The following RBM34 variants were observed in gnomAD, a reference collection of about 807,000 sequenced individuals.
RBM34 encodes the protein RNA-binding protein 34.
RBM34 carries 39 observed loss-of-function variants against 44.6 expected under a neutral mutation model. That is an observed-to-expected ratio of 0.87 (90% CI 0.68 to 1.14). The LOEUF (loss-of-function observed/expected upper bound fraction) is 1.14, where lower values mean the gene tolerates loss of function less well. Among genes scored for constraint, RBM34 ranks in the 50% most tolerant of loss-of-function variants. RBM34 has a pLI of 0.00. For missense variants in RBM34, 572 were observed against 517.9 expected (o/e 1.10, Z -1.01); for synonymous variants, 194 against 184.0 (o/e 1.05, Z -0.44).
At position 235,152,932 on chromosome 1, in the gene RBM34, G is replaced by C. The variant is rs974116782; in HGVS notation, c.598-167C>G. Among the ~76,000 whole-genome samples, 4 of 147,520 alleles carry C rather than the reference G, an allele frequency of 2.7e-5. No individual in the cohort carries two copies. In the East Asian group the frequency reaches 5.9e-4, roughly 22 times the overall value. ...CGCCCAGGCTGGAGTGCAGTGGTGT[G>C]ATCTCAGCTCACTGCAACCTCCGCC... On this transcript the variant is annotated intron_variant, in intron 4 of 10. Transcript: ENST00000408888.
chr1:235,155,818 T>TATAC (rs1380012647), intron 3 of RBM34, among the ~76,000 whole-genome samples: 11 of 87,664 alleles, frequency 1.3e-4, no homozygotes, highest in South Asian at 8.7e-4. Flanking sequence ...TATACATACA[T>TATAC]ATACATATAT....
chr1:235,153,730 A>C (rs1662271545), intron 4 of RBM34, among the ~76,000 whole-genome samples: 1 of 152,094 alleles, frequency 6.6e-6, no homozygotes, highest in African/African-American at 2.4e-5. Flanking sequence ...CTGGCCTCAA[A>C]AAGGTTTTTC....
intron 5 of RBM34, among the ~76,000 whole-genome samples, chr1:235,148,941 A>G (rs1031752726): frequency 5.9e-5 from 9 of 151,912 alleles, no homozygotes; most frequent in Non-Finnish European, 1.0e-4. Context: ...GGCTTAGGAT[A>G]AGTTTTTCCA....
chr1:235,132,138 T>C (rs1180842356), intron 10 of RBM34, 141 bp from the exon 11 acceptor site: 1 of 733,668 alleles, frequency 1.4e-6, no homozygotes, highest in African/African-American at 1.8e-5. Flanking sequence ...TATCAGCTGC[T>C]GCACTCGAAG....
intron 3 of RBM34, chr1:235,156,652 C>G (rs1030316495): frequency 2.2e-6 from 1 of 464,186 alleles, no homozygotes; most frequent in African/African-American, 2.0e-5. Context: ...TATGGATAAG[C>G]AAGGTCTGAG....
intron 5 of RBM34, among the ~76,000 whole-genome samples, chr1:235,149,489 G>A (rs1170859720): frequency 6.6e-6 from 1 of 151,380 alleles, no homozygotes; most frequent in African/African-American, 2.4e-5. Context: ...ATGTCTAACT[G>A]AACTGATGAA....
At chr1:235,152,597 G>C in intron 5 of RBM34, 109 bp downstream of exon 5, 1 of 1,508,110 alleles carries the variant, frequency 6.6e-7, no homozygotes, top group Non-Finnish European at 8.8e-7. Flanking sequence ...TGAACCTATT[G>C]ATTCAAAAGG....
chr1:235,154,692 A>C (rs1018733435), intron 4 of RBM34, among the ~76,000 whole-genome samples, 189 bp downstream of exon 4: 1 of 152,242 alleles, frequency 6.6e-6, no homozygotes, highest in Non-Finnish European at 1.5e-5. Flanking sequence ...TATAATCTGC[A>C]AAAGCCTGAA....
intron 5 of RBM34, among the ~76,000 whole-genome samples, chr1:235,149,320 C>T (rs968204515): frequency 1.8e-4 from 26 of 141,600 alleles, no homozygotes; most frequent in East Asian, 1.1e-3. Flanking sequence ...ACCCGGGAGG[C>T]GGAGCTTGCA....
At chr1:235,149,477 A>G (rs1412251872) in intron 5 of RBM34, among the ~76,000 whole-genome samples, 1 of 152,164 alleles carries the variant, frequency 6.6e-6, no homozygotes, top group Non-Finnish European at 1.5e-5. Flanking sequence ...AAATTTTTAA[A>G]TATGTCTAAC....
intron 4 of RBM34, among the ~76,000 whole-genome samples, chr1:235,153,996 C>G (rs1484517635): frequency 6.6e-6 from 1 of 152,156 alleles, no homozygotes; most frequent in Non-Finnish European, 1.5e-5. Context: ...CCTGTAATCC[C>G]AGCACTTTGG....
chr1:235,160,187 G>A (rs1315570059), intron 3 of RBM34: 1 of 457,974 alleles, frequency 2.2e-6, no homozygotes, highest in African/African-American at 2.0e-5. Flanking sequence ...GGGAAGCGGA[G>A]GTTGCAGTGA....
intron 10 of RBM34, among the ~76,000 whole-genome samples, chr1:235,133,255 C>T (rs1257812102): frequency 1.3e-5 from 2 of 152,130 alleles, no homozygotes; most frequent in South Asian, 2.1e-4. Flanking sequence ...ATGGGAGGAT[C>T]GCTAGAGCCT....
chr1:235,158,048 GTTT>G, intron 3 of RBM34, among the ~76,000 whole-genome samples: 1 of 144,012 alleles, frequency 6.9e-6, no homozygotes, highest in South Asian at 2.2e-4. Flanking sequence ...AATTACATGG[GTTT>G]TTTTTTTTGG....
rs560665922 is a variant in RBM34 at position 235,133,679 on chromosome 1, T to C, written c.1009-1682A>G. 1.4e-4 allele frequency among the ~76,000 whole-genome samples: 21 copies of C among 152,222 alleles called. No individual in the cohort carries two copies. In the South Asian group the frequency reaches 3.1e-3, roughly 23 times the overall value. On this transcript the variant is annotated intron_variant, in intron 10 of 10. Transcript: ENST00000408888. ...ATCAGAGGATTCAATCAACTGCAGATAGAAAATACTTGAAAACAACAAATA... is the reference window on the plus strand; with the variant it reads ...ATCAGAGGATTCAATCAACTGCAGACAGAAAATACTTGAAAACAACAAATA...
intron 10 of RBM34, 83 bp downstream of exon 10, chr1:235,135,569 T>C (rs1444482757): frequency 4.3e-6 from 5 of 1,158,212 alleles, no homozygotes; most frequent in Non-Finnish European, 6.5e-6. Context: ...AAGTGAAAGT[T>C]ATGTCTCAAT....
intron 6 of RBM34, among the ~76,000 whole-genome samples, chr1:235,144,118 G>A (rs563481429): frequency 1.3e-4 from 20 of 152,086 alleles, no homozygotes; most frequent in Admixed American, 2.6e-4. Flanking sequence ...TAAGGCTGCC[G>A]TGAGCCATTA....
intron 6 of RBM34, among the ~76,000 whole-genome samples, chr1:235,142,368 T>A (rs555756523): frequency 3.8e-4 from 58 of 152,084 alleles, no homozygotes; most frequent in African/African-American, 1.3e-3. Flanking sequence ...AACCTCTAAC[T>A]CCCATGTTCA....
At chr1:235,147,376 T>C (rs1395059884) in intron 6 of RBM34, among the ~76,000 whole-genome samples, 1 of 152,198 alleles carries the variant, frequency 6.6e-6, no homozygotes, top group Admixed American at 6.5e-5. Flanking sequence ...TGTCAGAACC[T>C]CTGTTTCTGT....
Sources: allele counts gnomAD v4.1 joint callset (sites outside exome capture counted in the v4.1 genomes callset), GRCh38; gene constraint gnomAD v4.1.1; transcripts MANE v1.5; gene names NCBI Gene and HGNC (gene_info 2026-07-23, HGNC 2026-07-21).